PRKN: variants seen among roughly 807,000 people sequenced by gnomAD.
PRKN encodes the protein parkin RBR E3 ubiquitin protein ligase, also known as E3 ubiquitin-protein ligase parkin.
Under a neutral mutation model 59.5 loss-of-function variants are expected in PRKN, and 56 were observed. That is an observed-to-expected ratio of 0.94 (90% CI 0.76 to 1.18). PRKN has a LOEUF of 1.18. Among genes scored for constraint, PRKN ranks in the 50% most tolerant of loss-of-function variants. The pLI, the probability that PRKN is intolerant of heterozygous loss-of-function variation, is 0.00. For missense variants in PRKN, 657 were observed against 596.4 expected (o/e 1.10, Z -1.06); for synonymous variants, 250 against 222.1 (o/e 1.13, Z -1.12).
chr6:161,875,926 C>T (rs1044333554), intron 6 of PRKN, among the ~76,000 whole-genome samples: 1 of 152,098 alleles, frequency 6.6e-6, no homozygotes, highest in African/African-American at 2.4e-5. Flanking sequence ...TAACCCATGA[C>T]TTTGACCTTC....
intron 1 of PRKN, among the ~76,000 whole-genome samples, chr6:162,488,093 C>T (rs1240371093): frequency 7.0e-6 from 1 of 142,986 alleles, no homozygotes; most frequent in Non-Finnish European, 1.5e-5. Flanking sequence ...GGAATTAGTC[C>T]TCTGCAATTT....
At chr6:162,568,813 T>C in intron 1 of PRKN, 2 of 731,674 alleles carry the variant, frequency 2.7e-6, no homozygotes, top group East Asian at 5.1e-5. Flanking sequence ...CTTGGCAACA[T>C]GCAGGGGCTG....
chr6:161,794,415 A>G (rs1790756725), intron 6 of PRKN, among the ~76,000 whole-genome samples: 1 of 152,086 alleles, frequency 6.6e-6, no homozygotes, highest in Admixed American at 6.5e-5. Flanking sequence ...CAAGACCTAC[A>G]TCAGCACCGA....
rs949740526 is a variant in PRKN, at chr6:161,407,870, T to C, written c.1084-20993A>G. Among the ~76,000 whole-genome samples the C allele has an allele frequency of 6.6e-6, 1 of 152,158 alleles. No individual in the cohort carries two copies. Among genetic ancestry groups the C allele is most frequent in the Admixed American group, 6.5e-5 (1 of 15,268 alleles). On this transcript the variant is annotated intron_variant, in intron 9 of 11. Transcript: ENST00000366898. The surrounding 1 kb of genome is among the most constrained non-coding windows in gnomAD (Gnocchi z 4.9). Reference sequence around the variant, plus strand: ...AATGAGTCTTATGATCTCCCCACCATGCACCTTGTAATCCCCTCCTCTGCT... The same window carrying C: ...AATGAGTCTTATGATCTCCCCACCACGCACCTTGTAATCCCCTCCTCTGCT...
At chr6:162,101,121 C>G (rs1029056488) in intron 4 of PRKN, among the ~76,000 whole-genome samples, 6 of 151,994 alleles carry the variant, frequency 3.9e-5, no homozygotes, top group Admixed American at 3.9e-4. Context: ...GTTGCTTGTG[C>G]TTTTGGAGTC....
chr6:161,531,122 C>T lies in PRKN; in HGVS notation c.1083+17732G>A, dbSNP rs185420298. Among the ~76,000 whole-genome samples, 1,073 of 152,186 alleles carry T rather than the reference C, an allele frequency of 7.1e-3. 10 individuals are homozygous for T. Among genetic ancestry groups the T allele is most frequent in the African/African-American group, 0.02 (814 of 41,546 alleles). ...CAAGGCCGGGCGCGGTGGCTCACGCCTGTAATCCCAGCATTTTGGGAGGCT... is the reference window on the plus strand; with the variant it reads ...CAAGGCCGGGCGCGGTGGCTCACGCTTGTAATCCCAGCATTTTGGGAGGCT... On this transcript the variant is annotated intron_variant, in intron 9 of 11. Transcript: ENST00000366898.
At chr6:162,495,952 T>C (rs995107815) in intron 1 of PRKN, among the ~76,000 whole-genome samples, 2 of 152,132 alleles carry the variant, frequency 1.3e-5, no homozygotes, top group African/African-American at 2.4e-5. Flanking sequence ...TCTTTCACTA[T>C]ATAAACCTTT....
chr6:162,482,596 T>C (rs1328342443), intron 1 of PRKN, among the ~76,000 whole-genome samples: 2 of 152,196 alleles, frequency 1.3e-5, no homozygotes, highest in African/African-American at 2.4e-5. Flanking sequence ...ATTTGTGACA[T>C]CTAATGTTGA....
chr6:161,745,583 G>T (rs1434473787), intron 7 of PRKN, among the ~76,000 whole-genome samples: 1 of 152,166 alleles, frequency 6.6e-6, no homozygotes, highest in Non-Finnish European at 1.5e-5. Flanking sequence ...TATCTTGTAG[G>T]CAGTTTGTAT....
chr6:161,603,602 G>A (rs1161963528), intron 7 of PRKN, among the ~76,000 whole-genome samples: 2 of 152,072 alleles, frequency 1.3e-5, no homozygotes, highest in East Asian at 1.9e-4. Flanking sequence ...CTGAAATTTT[G>A]TTGACCTCTC....
At chr6:161,771,079 G>A (rs1022671036) in intron 7 of PRKN, among the ~76,000 whole-genome samples, 8 of 150,912 alleles carry the variant, frequency 5.3e-5, no homozygotes, top group African/African-American at 2.0e-4. Flanking sequence ...GTTGATGGCC[G>A]GGCGCAGTGG....
intron 6 of PRKN, among the ~76,000 whole-genome samples, chr6:161,904,315 T>G (rs1778052532): frequency 7.4e-6 from 1 of 135,924 alleles, no homozygotes; most frequent in Non-Finnish European, 1.6e-5. Flanking sequence ...TGGGGTTTTT[T>G]TTTTTTTTTT....
rs1294967768 is a variant in PRKN, at chr6:161,377,197, A to G, written c.1167+9597T>C. 6.6e-6 allele frequency among the ~76,000 whole-genome samples: 1 copy of G among 152,236 alleles called. No individual in the cohort carries two copies. Among genetic ancestry groups the G allele is most frequent in the Non-Finnish European group, 1.5e-5 (1 of 68,042 alleles). ...AGCTGAGAACGATGGACCATTTGAA[A>G]GAGAGCCCCTGGCACGCTACCGAGC... is the stretch of plus-strand genomic sequence containing the variant. On this transcript the variant is annotated intron_variant, in intron 10 of 11. Coordinates refer to ENST00000366898, the MANE Select transcript of PRKN (RefSeq NM_004562.3). This position sits in a 1 kb window ranked among gnomAD's most constrained non-coding sequence, Gnocchi z 4.2.
In PRKN at chr6:162,220,735, G is replaced by A. The variant is rs547316557; in HGVS notation, c.413-19483C>T. On this transcript the variant is annotated intron_variant, in intron 3 of 11. Transcript: ENST00000366898. ...GGACACAGAATGGTCTACTCATGGC[G>A]CAGCCAAGGGGAGGGGCAGGCAGCC... Among the ~76,000 whole-genome samples, 33 of 152,308 alleles carry A rather than the reference G, an allele frequency of 2.2e-4. No homozygotes were observed. The South Asian group carries it at 2.7e-3, about 12-fold the overall frequency.
intron 2 of PRKN, among the ~76,000 whole-genome samples, chr6:162,288,483 C>T (rs552907502): frequency 1.3e-5 from 2 of 152,212 alleles, no homozygotes; most frequent in East Asian, 3.9e-4. Context: ...GCCTGAACTA[C>T]TAAAAAGAAG....
intron 6 of PRKN, among the ~76,000 whole-genome samples, chr6:161,828,779 C>T (rs976301384): frequency 1.3e-5 from 2 of 151,992 alleles, no homozygotes; most frequent in African/African-American, 2.4e-5. Context: ...ATAACAAAAA[C>T]ATTAGTTGGG....
intron 2 of PRKN, among the ~76,000 whole-genome samples, chr6:162,406,009 A>T (rs1788050141): frequency 6.6e-6 from 1 of 152,224 alleles, no homozygotes. Context: ...TGCTGGGCTG[A>T]ACATCAAGAC....
At chr6:161,760,533 G>A (rs964103348) in intron 7 of PRKN, among the ~76,000 whole-genome samples, 2 of 151,916 alleles carry the variant, frequency 1.3e-5, no homozygotes, top group Non-Finnish European at 2.9e-5. Context: ...CTCCTGTGTG[G>A]AACCCGAGAT....
chr6:161,793,142 T>C (rs553641906), intron 6 of PRKN, among the ~76,000 whole-genome samples: 72 of 152,362 alleles, frequency 4.7e-4, no homozygotes, highest in African/African-American at 1.3e-3. Flanking sequence ...GAGATACTAA[T>C]TGATAGACTC....
Sources: gnomAD v4.1 joint callset for allele counts (sites outside exome capture counted in the v4.1 genomes callset) on GRCh38, gnomAD v4.1.1 for gene constraint, Gnocchi (gnomAD v3.1) non-coding constraint, MANE v1.5 for transcripts, NCBI Gene and HGNC (gene_info 2026-07-23, HGNC 2026-07-21) for gene names.